CD86: variants seen among roughly 807,000 people sequenced by gnomAD.
CD86 encodes the protein T-lymphocyte activation antigen CD86.
In CD86, 11 loss-of-function variants were observed where a neutral mutation model predicts 32.1. The ratio of observed to expected loss-of-function variants is 0.34; its 90% CI spans 0.22 to 0.57. The LOEUF is 0.57. Among genes scored for constraint, CD86 ranks in the 20% least tolerant of loss-of-function variants. CD86 has a pLI of 0.86. For missense variants in CD86, 359 were observed against 398.4 expected (o/e 0.90, Z 0.84); for synonymous variants, 137 against 135.3 (o/e 1.01, Z -0.09).
chr3:122,075,637 T>C (rs2072545278), intron 1 of CD86, among the ~76,000 whole-genome samples: 1 of 152,202 alleles, frequency 6.6e-6, no homozygotes, highest in Non-Finnish European at 1.5e-5. Flanking sequence ...ACTGGAATGA[T>C]GAGTTTTGAG....
At chr3:122,104,461 T>C (rs1283928717) in intron 3 of CD86, among the ~76,000 whole-genome samples, 2 of 152,232 alleles carry the variant, frequency 1.3e-5, no homozygotes, top group African/African-American at 2.4e-5. Context: ...TACAGATTTT[T>C]TTAAAACTAT....
At position 122,119,875 on chromosome 3, in the gene CD86, A is replaced by G. The variant is rs1270791318; in HGVS notation, c.*341A>G. On this transcript the variant is annotated 3_prime_UTR_variant, in exon 7 of 7. Transcript: ENST00000330540. The stretch of plus-strand genomic sequence containing the variant: ...TTCATAGATTGTGTTTTTTTTTTAA[A>G]TAGACCTCTCAATTTCTGGAAAACT... 5.6e-6 allele frequency: 1 copy of G among 179,724 alleles called. No homozygotes were observed. The highest frequency in any genetic ancestry group is 1.1e-5 in the Non-Finnish European group (1 of 87,656). The allele number at this position is 179,724 out of a possible 1,614,324, so 11.1% of individuals were successfully genotyped here. A position where few individuals can be genotyped will look rare whatever the true frequency, so the allele number is the denominator to read the frequency against.
intron 1 of CD86, among the ~76,000 whole-genome samples, chr3:122,070,985 C>T (rs552464086): frequency 4.2e-4 from 64 of 152,154 alleles, no homozygotes; most frequent in Non-Finnish European, 7.9e-4. Context: ...ATTTTTAGAA[C>T]AGTTTTAGAT....
intron 1 of CD86, among the ~76,000 whole-genome samples, chr3:122,068,319 T>C (rs1012168328): frequency 2.6e-5 from 4 of 152,184 alleles, no homozygotes; most frequent in African/African-American, 9.7e-5. Flanking sequence ...GTTAGTTTTG[T>C]TATGTATTAT....
At chr3:122,092,022 G>A (rs1282065351) in intron 2 of CD86, 1 of 173,944 alleles carries the variant, frequency 5.7e-6, no homozygotes, top group Non-Finnish European at 1.2e-5. Context: ...GGTCTTCTCT[G>A]ACCCTGTTTC....
chr3:122,072,807 T>C (rs1002424302), intron 1 of CD86, among the ~76,000 whole-genome samples: 2 of 152,194 alleles, frequency 1.3e-5, no homozygotes, highest in Admixed American at 6.5e-5. Context: ...TCCTTGCCCA[T>C]GCCTATGTCC....
chr3:122,057,960 C>T (rs1364500050), intron 1 of CD86, among the ~76,000 whole-genome samples: 1 of 152,214 alleles, frequency 6.6e-6, no homozygotes, highest in African/African-American at 2.4e-5. Context: ...AATACCAGTT[C>T]CCCAACTTCC....
At chr3:122,075,940 A>G (rs2072548963) in intron 1 of CD86, among the ~76,000 whole-genome samples, 1 of 152,192 alleles carries the variant, frequency 6.6e-6, no homozygotes, top group Non-Finnish European at 1.5e-5. Flanking sequence ...CCGTCATGAC[A>G]TGCCTATGAG....
intron 1 of CD86, among the ~76,000 whole-genome samples, chr3:122,066,409 A>C (rs2072413820): frequency 6.6e-6 from 1 of 152,122 alleles, no homozygotes; most frequent in African/African-American, 2.4e-5. Flanking sequence ...ATTCTGTCCA[A>C]AAAAGGGACA....
chr3:122,083,167 G>A (rs1430216611), intron 1 of CD86, among the ~76,000 whole-genome samples: 1 of 152,160 alleles, frequency 6.6e-6, no homozygotes, highest in Admixed American at 6.5e-5. Flanking sequence ...TCCTGCATCT[G>A]TCCTGGCTTC....
At chr3:122,099,172 C>G (rs797011421) in intron 2 of CD86, among the ~76,000 whole-genome samples, 19 of 152,246 alleles carry the variant, frequency 1.2e-4, no homozygotes, top group African/African-American at 4.6e-4. Flanking sequence ...AGAAAATTAA[C>G]AAGGAAATCA....
intron 1 of CD86, among the ~76,000 whole-genome samples, chr3:122,063,551 T>C (rs1348985452): frequency 6.6e-6 from 1 of 152,080 alleles, no homozygotes; most frequent in East Asian, 1.9e-4. Flanking sequence ...TGTGTTTTAT[T>C]TTGGTAAATG....
intron 1 of CD86, among the ~76,000 whole-genome samples, chr3:122,077,241 C>T (rs752899478): frequency 5.3e-5 from 8 of 152,172 alleles, no homozygotes; most frequent in Admixed American, 1.3e-4. Flanking sequence ...AACCTGTCCC[C>T]GCTGAAGCAC....
At chr3:122,092,107 C>T (rs1273213774) in intron 2 of CD86, 7 of 156,742 alleles carry the variant, frequency 4.5e-5, no homozygotes, top group South Asian at 1.9e-4. Flanking sequence ...CTGGCTTTCA[C>T]GTCCCTGACT....
intron 6 of CD86, among the ~76,000 whole-genome samples, chr3:122,119,206 C>A (rs1395499226): frequency 1.3e-5 from 2 of 152,208 alleles, no homozygotes; most frequent in African/African-American, 4.8e-5. Flanking sequence ...AGCAGAGAAC[C>A]GGCAGAGGGC....
chr3:122,089,475 C>G (rs1244093964), intron 1 of CD86, among the ~76,000 whole-genome samples: 1 of 151,468 alleles, frequency 6.6e-6, no homozygotes, highest in Non-Finnish European at 1.5e-5. Flanking sequence ...AACGTATAAT[C>G]TCATAAACTA....
At chr3:122,065,847 C>G (rs1002456810) in intron 1 of CD86, among the ~76,000 whole-genome samples, 1 of 151,820 alleles carries the variant, frequency 6.6e-6, no homozygotes, top group East Asian at 1.9e-4. Context: ...TTGGAAGAAA[C>G]TGAATTGGGG....
intron 1 of CD86, among the ~76,000 whole-genome samples, chr3:122,078,455 G>A (rs1186150936): frequency 6.6e-6 from 1 of 152,104 alleles, no homozygotes; most frequent in Non-Finnish European, 1.5e-5. Context: ...TCCAGAGAAG[G>A]GGGATTTCCT....
rs2072824229 is a variant in CD86 at position 122,091,609 on chromosome 3, G to A, written c.23G>A (p.Gly8Glu). 1.2e-6 allele frequency: 2 copies of A among 1,611,916 alleles called. No homozygotes were observed. Among genetic ancestry groups the A allele is most frequent in the South Asian group, 1.1e-5 (1 of 91,014 alleles). The change falls in exon 2 of 7, where the codon GGA becomes GAA. Residue 8 changes from glycine to glutamate, a missense_variant. Physicochemically the swap from Gly to Glu is moderately conservative, Grantham distance 98 (BLOSUM62 -2). Transcript: ENST00000330540. MDPQCTM[G>E]LSNILFVMAF... is the part of the protein sequence containing the mutation. ...TTTTTTCTCGACTCTAGCACTATGG[G>A]ACTGAGTAACATTCTCTTTGTGATG...
Sources: allele counts gnomAD v4.1 joint callset (sites outside exome capture counted in the v4.1 genomes callset), GRCh38; gene constraint gnomAD v4.1.1; transcripts MANE v1.5; gene names NCBI Gene and HGNC (gene_info 2026-07-23, HGNC 2026-07-21).